Variants in EED observed in about 807,000 individuals in gnomAD.
The protein encoded by EED is embryonic ectoderm development, also known as polycomb protein EED.
A neutral mutation model predicts 61.0 loss-of-function variants in EED; 9 were observed. The ratio of observed to expected loss-of-function variants is 0.15; its 90% CI spans 0.09 to 0.26. The LOEUF is 0.26. EED is among the 10% of genes least tolerant of loss of function. The probability of loss-of-function intolerance (pLI) is 1.00; values close to 1 mark genes in which losing one functional copy is unlikely to be tolerated. For synonymous variants in EED, 187 were observed against 174.4 expected, an observed-to-expected ratio of 1.07 and a Z score of -0.57; for missense variants, 315 against 542.3, an observed-to-expected ratio of 0.58 and a Z score of 4.16.
At chr11:86,252,035 T>C (rs1207319660) in intron 2 of EED, 113 bp from the exon 3 acceptor site, 2 of 632,280 alleles carry the variant, frequency 3.2e-6, no homozygotes, top group Non-Finnish European at 5.2e-6. Context: ...TTATGTATGA[T>C]ACACAAAATA....
intron 6 of EED, among the ~76,000 whole-genome samples, chr11:86,260,023 A>T (rs573534651): frequency 1.3e-5 from 2 of 152,322 alleles, no homozygotes; most frequent in South Asian, 4.1e-4. Flanking sequence ...GTGGGGGTGT[A>T]CATATGTATC....
Position 86,244,944 on chromosome 11 carries a change from A to C in EED, c.-286A>C, listed in dbSNP as rs1378930399. 1 of 387,886 alleles carries C rather than the reference A, an allele frequency of 2.6e-6. No homozygotes were observed. The highest frequency in any genetic ancestry group is 4.7e-6 in the Non-Finnish European group (1 of 214,548). 24.0% of individuals were successfully genotyped at this position (387,886 alleles called of 1,614,324 possible). A position where few individuals can be genotyped will look rare whatever the true frequency, so the allele number is the denominator to read the frequency against. ...TAATCCAACGGACCTTACATCGTGT[A>C]GACTGCCGGGAGGGCGGCGGGAAAA... is the stretch of plus-strand genomic sequence containing the variant. On this transcript the variant is annotated 5_prime_UTR_variant, in exon 1 of 12. Transcript: ENST00000263360.
chr11:86,264,082 A>G lies in EED; in HGVS notation c.635-90A>G, dbSNP rs1945912803. 4.0e-6 allele frequency: 4 copies of G among 996,702 alleles called. No homozygotes were observed. In the South Asian group the frequency reaches 4.3e-5, roughly 11 times the overall value. The allele number at this position is 996,702 out of a possible 1,614,324, so 61.7% of individuals were successfully genotyped here. On this transcript the variant is annotated intron_variant, in intron 6 of 11. Coordinates refer to ENST00000263360, the MANE Select transcript of EED (RefSeq NM_003797.5). ...TTAGGCTTTACTGTGCATAACTTAC[A>G]TCTAGACTTTAGTAGTTTTTCTTTC...
In EED at chr11:86,256,434, G is replaced by T; in HGVS notation, c.474G>T (p.Thr158=). 1 of 1,612,010 alleles carries T rather than the reference G, an allele frequency of 6.2e-7. No homozygotes were observed. The highest frequency in any genetic ancestry group is 8.5e-7 in the Non-Finnish European group (1 of 1,178,556). The change falls in exon 5 of 12, where the codon ACG becomes ACT. Residue 158 remains threonine (T), a synonymous_variant. Transcript: ENST00000263360. ...YTCAWTYDSN[T]SHPLLAVAGS... ...GTGCATGGACCTATGATAGCAATAC[G>T]AGCCATCCTCTGCTGGCTGTAGCTG...
At chr11:86,261,735 A>G (rs1593745485) in intron 6 of EED, among the ~76,000 whole-genome samples, 1 of 152,178 alleles carries the variant, frequency 6.6e-6, no homozygotes, top group Non-Finnish European at 1.5e-5. Flanking sequence ...TGCTGCTTGT[A>G]CCTTCAGAAG....
intron 9 of EED, chr11:86,276,190 A>T (rs983491043): frequency 1.3e-5 from 2 of 152,206 alleles, no homozygotes; most frequent in Non-Finnish European, 2.9e-5. Context: ...TTCGTGGGCA[A>T]ACCACTGACC....
At chr11:86,277,348 TTTAAA>T (rs1461577548) in intron 10 of EED, 10 of 380,186 alleles carry the variant, frequency 2.6e-5, no homozygotes, top group African/African-American at 4.1e-5. Flanking sequence ...CAGTGCTTAC[TTTAAA>T]TTAAGTTGGC....
intron 7 of EED, chr11:86,265,669 G>A (rs1444339236): frequency 6.6e-6 from 1 of 152,398 alleles, no homozygotes; most frequent in African/African-American, 2.4e-5. Flanking sequence ...AAGGATTCAT[G>A]TATTTTCACA....
chr11:86,263,581 A>G (rs890319328), intron 6 of EED, among the ~76,000 whole-genome samples: 2 of 152,144 alleles, frequency 1.3e-5, no homozygotes, highest in Non-Finnish European at 2.9e-5. Context: ...GGGTCTTGCT[A>G]TATTGCTAGG....
chr11:86,258,236 C>G (rs143977181), intron 6 of EED, among the ~76,000 whole-genome samples: 4 of 152,178 alleles, frequency 2.6e-5, no homozygotes, highest in African/African-American at 9.6e-5. Flanking sequence ...ATCATTTTGT[C>G]CAATCATGTA....
intron 6 of EED, among the ~76,000 whole-genome samples, chr11:86,260,727 A>G (rs898112668): frequency 7.2e-5 from 11 of 152,148 alleles, no homozygotes; most frequent in African/African-American, 2.7e-4. Context: ...CTGTGGGATA[A>G]AATTGCTTAT....
At chr11:86,264,411 A>G (rs1311585846) in intron 7 of EED, 148 bp downstream of exon 7, 1 of 528,010 alleles carries the variant, frequency 1.9e-6, no homozygotes, top group Non-Finnish European at 3.4e-6. Context: ...TTTAATCTCC[A>G]GATGAAGGAA....
In EED at chr11:86,245,071, C is replaced by G. The variant is rs1945352085; in HGVS notation, c.-159C>G. 1 of 566,746 alleles carries G rather than the reference C, an allele frequency of 1.8e-6. No homozygotes were observed. The allele number at this position is 566,746 out of a possible 1,614,324, so 35.1% of individuals were successfully genotyped here. On this transcript the variant is annotated 5_prime_UTR_variant, in exon 1 of 12. Transcript: ENST00000263360. ...CAGTGTGGCGGGGTCGCACGCACGCCCGCCTCGGCGGCTGGGCGCGATTTG... is the reference window on the plus strand; with the variant it reads ...CAGTGTGGCGGGGTCGCACGCACGCGCGCCTCGGCGGCTGGGCGCGATTTG...
At chr11:86,252,560 A>G (rs1332579907) in intron 3 of EED, among the ~76,000 whole-genome samples, 1 of 133,144 alleles carries the variant, frequency 7.5e-6, no homozygotes, top group Non-Finnish European at 1.6e-5. Context: ...TGATTTTGGT[A>G]TTTATCATTC....
At position 86,244,945 on chromosome 11, in the gene EED, G is replaced by A. The variant is rs1012560904; in HGVS notation, c.-285G>A. 1.3e-5 allele frequency: 5 copies of A among 391,916 alleles called. No homozygotes were observed. Among genetic ancestry groups the A allele is most frequent in the Non-Finnish European group, 2.3e-5 (5 of 217,216 alleles). 24.3% of individuals were successfully genotyped at this position (391,916 alleles called of 1,614,324 possible). A position where few individuals can be genotyped will look rare whatever the true frequency, so the allele number is the denominator to read the frequency against. ...AATCCAACGGACCTTACATCGTGTAGACTGCCGGGAGGGCGGCGGGAAAAG... is the reference window on the plus strand; with the variant it reads ...AATCCAACGGACCTTACATCGTGTAAACTGCCGGGAGGGCGGCGGGAAAAG... On this transcript the variant is annotated 5_prime_UTR_variant, in exon 1 of 12. Transcript: ENST00000263360.
chr11:86,268,915 A>G (rs1946047866), intron 9 of EED, among the ~76,000 whole-genome samples: 1 of 152,120 alleles, frequency 6.6e-6, no homozygotes, highest in Non-Finnish European at 1.5e-5. Context: ...CTATTTTAGT[A>G]AAATTTTATT....
chr11:86,256,425 T>G lies in EED; in HGVS notation c.465T>G (p.Asp155Glu). Reference protein sequence around the residue: ...ENFYTCAWTYDSNTSHPLLAV... With the variant: ...ENFYTCAWTYESNTSHPLLAV... ...TTTACACTTGTGCATGGACCTATGA[T>G]AGCAATACGAGCCATCCTCTGCTGG... Residue 155 changes from aspartate (D) to glutamate (E), a missense_variant, in exon 5 of 12, where the codon GAT becomes GAG. Physicochemically the swap from Asp to Glu is conservative, Grantham distance 45. Coordinates refer to ENST00000263360, the MANE Select transcript of EED (RefSeq NM_003797.5). 1 of 1,611,802 alleles carries G rather than the reference T, an allele frequency of 6.2e-7. No individual in the cohort carries two copies. The highest frequency in any genetic ancestry group is 8.5e-7 in the Non-Finnish European group (1 of 1,178,570).
chr11:86,268,538 T>C lies in EED; in HGVS notation c.943T>C (p.Leu315=). The C allele has an allele frequency of 6.2e-7, 1 of 1,611,622 alleles. No individual in the cohort carries two copies. The highest frequency in any genetic ancestry group is 8.5e-7 in the Non-Finnish European group (1 of 1,179,230). The part of the protein sequence containing the change: ...HRNYVDCVRW[L]GDLILSKSCE... ...GAATTATGTTGATTGTGTGCGATGG[T>C]TAGGCGATTTGATACTTTCTAAGGT... Residue 315 remains leucine (L), a synonymous_variant, in exon 9 of 12, where the codon TTA becomes CTA. Coordinates refer to ENST00000263360, the MANE Select transcript of EED (RefSeq NM_003797.5).
intron 9 of EED, 94 bp from the exon 10 acceptor site, chr11:86,276,886 G>A: frequency 1.7e-6 from 2 of 1,176,132 alleles, no homozygotes; most frequent in Admixed American, 3.2e-5. Context: ...TCTAAGAGCT[G>A]TGAATTCCAA....
Sources: allele counts gnomAD v4.1 joint callset (sites outside exome capture counted in the v4.1 genomes callset), GRCh38; gene constraint gnomAD v4.1.1; transcripts MANE v1.5; gene names NCBI Gene and HGNC (gene_info 2026-07-23, HGNC 2026-07-21).